The following LRP1B variants were observed in gnomAD, a reference collection of about 807,000 sequenced individuals.
LRP1B encodes the protein low-density lipoprotein receptor-related protein 1B.
In LRP1B, 217 loss-of-function variants were observed where a neutral mutation model predicts 556.6. The ratio of observed to expected loss-of-function variants is 0.39; its 90% CI spans 0.35 to 0.44. The LOEUF is 0.44. LRP1B is among the 20% of genes least tolerant of loss of function. LRP1B has a pLI of 1.00. For synonymous variants in LRP1B, 2,047 were observed against 1,865.8 expected (o/e 1.10, Z -2.50); for missense variants, 5,053 against 5,620.8 (o/e 0.90, Z 3.23).
intron 1 of LRP1B, among the ~76,000 whole-genome samples, chr2:141,814,724 T>C (rs533920146): frequency 1.4e-4 from 21 of 152,284 alleles, no homozygotes; most frequent in Middle Eastern, 6.8e-3. Flanking sequence ...AAATATCTAA[T>C]AGTGAAATAT....
chr2:141,310,086 G>A (rs1686754785), intron 3 of LRP1B, among the ~76,000 whole-genome samples: 1 of 152,022 alleles, frequency 6.6e-6, no homozygotes, highest in Admixed American at 6.6e-5. Context: ...GGGGATAATG[G>A]AAACTTTTTA....
intron 86 of LRP1B, among the ~76,000 whole-genome samples, chr2:140,255,729 T>C (rs527721230): frequency 3.7e-4 from 57 of 152,176 alleles, no homozygotes; most frequent in African/African-American, 1.3e-3. Context: ...TATACAGAGG[T>C]CTCATATATG....
At chr2:140,754,678 T>G (rs986964472) in intron 35 of LRP1B, among the ~76,000 whole-genome samples, 5 of 151,182 alleles carry the variant, frequency 3.3e-5, no homozygotes, top group African/African-American at 1.2e-4. Context: ...GTTCAAGTAG[T>G]TATTGGAGAA....
At chr2:140,806,939 T>C (rs1307205510) in intron 32 of LRP1B, among the ~76,000 whole-genome samples, 2 of 152,254 alleles carry the variant, frequency 1.3e-5, no homozygotes, top group Non-Finnish European at 2.9e-5. Context: ...TTCTCTTCAG[T>C]GTAAATACAA....
chr2:141,301,823 T>A (rs1686406352), intron 3 of LRP1B, among the ~76,000 whole-genome samples: 1 of 152,144 alleles, frequency 6.6e-6, no homozygotes, highest in East Asian at 1.9e-4. Flanking sequence ...TCCACCCTCC[T>A]CAGTGGCTTA....
chr2:140,928,546 A>G (rs906074631), intron 20 of LRP1B, among the ~76,000 whole-genome samples: 3 of 152,152 alleles, frequency 2.0e-5, no homozygotes, highest in Admixed American at 2.0e-4. Flanking sequence ...AGGAAGATAC[A>G]TCATTTCTGA....
At chr2:141,794,660 T>G (rs1018222184) in intron 2 of LRP1B, among the ~76,000 whole-genome samples, 1 of 152,054 alleles carries the variant, frequency 6.6e-6, no homozygotes, top group African/African-American at 2.4e-5. Flanking sequence ...AATGACAGCC[T>G]TCTATTCTCC....
intron 2 of LRP1B, among the ~76,000 whole-genome samples, chr2:141,490,368 C>CGTGTGTG (rs1491339740): frequency 9.0e-4 from 37 of 40,898 alleles, no homozygotes; most frequent in African/African-American, 2.3e-3. Flanking sequence ...TTAAAATAGC[C>CGTGTGTG]TCGTGTGTGT....
chr2:140,335,377 A>C (rs1681028212), intron 78 of LRP1B, among the ~76,000 whole-genome samples: 2 of 152,010 alleles, frequency 1.3e-5, no homozygotes, highest in Non-Finnish European at 2.9e-5. Flanking sequence ...ACAGACACAC[A>C]TACAGACACA....
At chr2:141,693,352 G>A (rs1226862688) in intron 2 of LRP1B, among the ~76,000 whole-genome samples, 1 of 151,724 alleles carries the variant, frequency 6.6e-6, no homozygotes, top group African/African-American at 2.4e-5. Context: ...GCTGTAATTG[G>A]GCATCTCCGG....
At chr2:140,531,591 C>T (rs570986917) in intron 47 of LRP1B, among the ~76,000 whole-genome samples, 21 of 152,240 alleles carry the variant, frequency 1.4e-4, no homozygotes, top group African/African-American at 4.3e-4. Context: ...TGCCCTCTTC[C>T]TCAACTCTGC....
intron 1 of LRP1B, among the ~76,000 whole-genome samples, chr2:141,962,044 C>T (rs866541552): frequency 5.3e-5 from 8 of 151,744 alleles, no homozygotes; most frequent in African/African-American, 1.9e-4. Flanking sequence ...GGAAAGGTAA[C>T]TTCCTTAGAA....
intron 66 of LRP1B, among the ~76,000 whole-genome samples, chr2:140,411,945 T>C (rs1684984897): frequency 6.6e-6 from 1 of 152,128 alleles, no homozygotes; most frequent in Non-Finnish European, 1.5e-5. Flanking sequence ...GGTATCAGAA[T>C]TTCACAAATC....
intron 7 of LRP1B, among the ~76,000 whole-genome samples, chr2:141,109,588 GA>G (rs1183684101): frequency 6.7e-6 from 1 of 150,214 alleles, no homozygotes; most frequent in Non-Finnish European, 1.5e-5. Flanking sequence ...AGACTAGTAG[GA>G]AAGAAGGAAG....
chr2:140,773,246 C>T (rs910596749), intron 33 of LRP1B, among the ~76,000 whole-genome samples: 8 of 152,200 alleles, frequency 5.3e-5, no homozygotes, highest in Non-Finnish European at 1.0e-4. Flanking sequence ...GGGCAGATCA[C>T]CTGGGGTCAA....
At chr2:141,081,567 G>T (rs1699923006) in intron 7 of LRP1B, among the ~76,000 whole-genome samples, 1 of 152,132 alleles carries the variant, frequency 6.6e-6, no homozygotes, top group Admixed American at 6.5e-5. Context: ...AGGTTTCAAG[G>T]GATAAATGTC....
At chr2:140,288,684 T>C (rs1256787930) in intron 84 of LRP1B, among the ~76,000 whole-genome samples, 2 of 151,862 alleles carry the variant, frequency 1.3e-5, no homozygotes, top group African/African-American at 4.8e-5. Context: ...ACACCAAGTA[T>C]AGCAGAATCA....
chr2:140,559,567 T>A (rs375285417), intron 43 of LRP1B, among the ~76,000 whole-genome samples: 2 of 152,200 alleles, frequency 1.3e-5, no homozygotes, highest in East Asian at 3.9e-4. Context: ...GCCTGGAATA[T>A]CTTGTGGGGC....
At chr2:141,978,920 A>G (rs1701966796) in intron 1 of LRP1B, among the ~76,000 whole-genome samples, 2 of 152,006 alleles carry the variant, frequency 1.3e-5, no homozygotes, top group African/African-American at 4.8e-5. Flanking sequence ...AAAAAAATGA[A>G]GAGAATAAGA....
Sources: allele counts gnomAD v4.1 joint callset (sites outside exome capture counted in the v4.1 genomes callset), GRCh38; gene constraint gnomAD v4.1.1; transcripts MANE v1.5; gene names NCBI Gene and HGNC (gene_info 2026-07-23, HGNC 2026-07-21).